The following ADAMTS12 variants were observed in gnomAD, a reference collection of about 807,000 sequenced individuals.
The protein encoded by ADAMTS12 is A disintegrin and metalloproteinase with thrombospondin motifs 12.
In ADAMTS12, 118 loss-of-function variants were observed where a neutral mutation model predicts 167.8. The ratio of observed to expected loss-of-function variants is 0.70; its 90% confidence interval spans 0.61 to 0.82. The LOEUF (loss-of-function observed/expected upper bound fraction) is 0.82, where lower values mean the gene tolerates loss of function less well. ADAMTS12 is among the 40% of genes least tolerant of loss of function. The pLI is 0.00. For synonymous variants in ADAMTS12, 704 were observed against 716.9 expected (o/e 0.98, Z 0.29); for missense variants, 1,916 against 1,998.8 (o/e 0.96, Z 0.79).
At chr5:33,851,482 T>G (rs1206741786) in intron 2 of ADAMTS12, among the ~76,000 whole-genome samples, 1 of 152,166 alleles carries the variant, frequency 6.6e-6, no homozygotes, top group Non-Finnish European at 1.5e-5. Flanking sequence ...TTGAAACAGT[T>G]GAATTAACTA....
chr5:33,657,397 TC>T (rs1741100034), intron 7 of ADAMTS12, among the ~76,000 whole-genome samples: 1 of 152,166 alleles, frequency 6.6e-6, no homozygotes, highest in East Asian at 1.9e-4. Flanking sequence ...TTCATGTGCC[TC>T]CCCACCCAGT....
chr5:33,808,892 T>C (rs569451582), intron 2 of ADAMTS12, among the ~76,000 whole-genome samples: 1 of 152,348 alleles, frequency 6.6e-6, no homozygotes, highest in Non-Finnish European at 1.5e-5. Context: ...AGGGTGCCCC[T>C]TGACCCTCTG....
intron 2 of ADAMTS12, among the ~76,000 whole-genome samples, chr5:33,805,072 C>T (rs990688652): frequency 4.6e-5 from 7 of 152,142 alleles, no homozygotes; most frequent in Admixed American, 3.3e-4. Flanking sequence ...ATATTCCAGT[C>T]TACTCAGTGT....
chr5:33,872,496 G>A (rs1034088704), intron 2 of ADAMTS12, among the ~76,000 whole-genome samples: 12 of 151,288 alleles, frequency 7.9e-5, no homozygotes, highest in African/African-American at 1.2e-4. Flanking sequence ...GCAGTGAGCC[G>A]AGATTGTGCT....
intron 2 of ADAMTS12, among the ~76,000 whole-genome samples, chr5:33,802,594 G>A (rs540257192): frequency 3.3e-5 from 5 of 152,246 alleles, no homozygotes; most frequent in African/African-American, 1.2e-4. Flanking sequence ...CCCTCACTGG[G>A]TGCTCTGCTT....
intron 14 of ADAMTS12, among the ~76,000 whole-genome samples, chr5:33,617,095 T>C (rs879789496): frequency 6.6e-6 from 1 of 152,190 alleles, no homozygotes; most frequent in Admixed American, 6.5e-5. Context: ...CATTGATTCA[T>C]CTAACTTCTT....
chr5:33,527,478 T>C, intron 23 of ADAMTS12, 112 bp from the exon 24 acceptor site: 2 of 1,010,192 alleles, frequency 2.0e-6, no homozygotes, highest in Middle Eastern at 2.7e-4. Flanking sequence ...AAAGGAGCCA[T>C]AACAATTCAT....
intron 3 of ADAMTS12, among the ~76,000 whole-genome samples, chr5:33,732,679 T>C (rs1744236314): frequency 6.6e-6 from 1 of 152,220 alleles, no homozygotes; most frequent in African/African-American, 2.4e-5. Flanking sequence ...ACTTTTTATA[T>C]GTTGCTTTGG....
At position 33,616,067 on chromosome 5, in the gene ADAMTS12, C is replaced by A; in HGVS notation, c.2149G>T (p.Val717Phe). 6 of 1,613,918 alleles carry A rather than the reference C, an allele frequency of 3.7e-6. No individual in the cohort carries two copies. The highest frequency in any genetic ancestry group is 4.2e-6 in the Non-Finnish European group (5 of 1,179,976). ...MFKQKEGSGYVDIGLIPKGAR... is the reference protein window; with the variant it reads ...MFKQKEGSGYFDIGLIPKGAR... ...CCTTTTGGAATGAGCCCAATGTCAA[C>A]ATAACCTAAAGAGAGAAGACACAAT... is the stretch of plus-strand genomic sequence containing the variant. Residue 717 changes from valine to phenylalanine, a missense_variant, in exon 15 of 24, where the codon GTT becomes TTT. Physicochemically the swap from Val to Phe is conservative, Grantham distance 50. Transcript: ENST00000504830.
At chr5:33,548,813 C>T (rs1487242904) in intron 21 of ADAMTS12, among the ~76,000 whole-genome samples, 1 of 152,082 alleles carries the variant, frequency 6.6e-6, no homozygotes, top group Non-Finnish European at 1.5e-5. Context: ...CTGTTTCTCC[C>T]AGCCTGACTG....
intron 5 of ADAMTS12, among the ~76,000 whole-genome samples, chr5:33,668,507 T>A (rs1284140629): frequency 6.6e-6 from 1 of 151,704 alleles, no homozygotes; most frequent in East Asian, 1.9e-4. Flanking sequence ...TTGGAGGAAT[T>A]TTTTTTTTCT....
chr5:33,661,772 G>C, intron 6 of ADAMTS12, 144 bp downstream of exon 6: 1 of 1,142,656 alleles, frequency 8.8e-7, no homozygotes, highest in Non-Finnish European at 1.2e-6. Context: ...AGGGAAGTCA[G>C]GAGTTGACTA....
intron 2 of ADAMTS12, among the ~76,000 whole-genome samples, chr5:33,762,658 C>G (rs1426115428): frequency 6.6e-6 from 1 of 152,036 alleles, no homozygotes; most frequent in Non-Finnish European, 1.5e-5. Flanking sequence ...CAGCTGGTGG[C>G]CAAAGTGAAA....
At chr5:33,607,960 G>T (rs1738527302) in intron 16 of ADAMTS12, among the ~76,000 whole-genome samples, 1 of 152,198 alleles carries the variant, frequency 6.6e-6, no homozygotes, top group Non-Finnish European at 1.5e-5. Flanking sequence ...TAGAGAACTA[G>T]ATCAATGCAA....
chr5:33,659,545 C>A (rs190933065), intron 6 of ADAMTS12, among the ~76,000 whole-genome samples: 1 of 152,238 alleles, frequency 6.6e-6, no homozygotes, highest in East Asian at 1.9e-4. Context: ...GGAGGTCAGG[C>A]ACATTAAATA....
intron 5 of ADAMTS12, 28 bp downstream of exon 5, chr5:33,682,990 G>A: frequency 6.3e-7 from 1 of 1,597,736 alleles, no homozygotes; most frequent in Non-Finnish European, 8.6e-7. Flanking sequence ...AGGACATATA[G>A]CAGAAGAGTG....
At chr5:33,651,134 G>A (rs768197076) in intron 7 of ADAMTS12, among the ~76,000 whole-genome samples, 1 of 152,092 alleles carries the variant, frequency 6.6e-6, no homozygotes, top group Non-Finnish European at 1.5e-5. Context: ...GTGGTTCAAC[G>A]AAAGCTTCCT....
At chr5:33,765,949 C>CT (rs1745514279) in intron 2 of ADAMTS12, among the ~76,000 whole-genome samples, 1 of 151,932 alleles carries the variant, frequency 6.6e-6, no homozygotes, top group Non-Finnish European at 1.5e-5. Context: ...GGAAACACCA[C>CT]TTTTTTTTAG....
chr5:33,658,399 A>C (rs548820771), intron 6 of ADAMTS12, 66 bp from the exon 7 acceptor site: 1 of 1,586,384 alleles, frequency 6.3e-7, no homozygotes, highest in African/African-American at 1.4e-5. Context: ...CCTGGAAAAA[A>C]ATCTGGGTAT....
Sources: allele counts gnomAD v4.1 joint callset (sites outside exome capture counted in the v4.1 genomes callset), GRCh38; gene constraint gnomAD v4.1.1; transcripts MANE v1.5; gene names NCBI Gene and HGNC (gene_info 2026-07-23, HGNC 2026-07-21).